CLSTN2: variants seen among roughly 807,000 people sequenced by gnomAD.
CLSTN2 encodes the protein calsyntenin 2, also known as calsyntenin-2.
Under a neutral mutation model 101.2 loss-of-function variants are expected in CLSTN2, and 48 were observed. That is an observed-to-expected ratio of 0.47 (90% CI 0.38 to 0.60). The LOEUF (loss-of-function observed/expected upper bound fraction) is 0.60. CLSTN2 is among the 20% of genes least tolerant of loss of function. The pLI is 0.00. For missense variants in CLSTN2, 1,160 were observed against 1,238.2 expected (o/e 0.94, Z 0.95); for synonymous variants, 481 against 463.6 (o/e 1.04, Z -0.48).
intron 1 of CLSTN2, among the ~76,000 whole-genome samples, chr3:139,988,702 G>A (rs541425946): frequency 1.3e-5 from 2 of 152,124 alleles, no homozygotes; most frequent in Admixed American, 6.5e-5. Context: ...GGGGTGGGAG[G>A]ATGTCTAAGC....
At chr3:140,435,755 G>A (rs754773330) in intron 5 of CLSTN2, among the ~76,000 whole-genome samples, 4 of 152,074 alleles carry the variant, frequency 2.6e-5, no homozygotes, top group Non-Finnish European at 5.9e-5. Context: ...TTTGGATATG[G>A]GCCATTTTAA....
intron 2 of CLSTN2, among the ~76,000 whole-genome samples, chr3:140,305,095 C>G (rs1363908550): frequency 6.6e-6 from 1 of 151,664 alleles, no homozygotes; most frequent in African/African-American, 2.4e-5. Context: ...CTCTCTCTCT[C>G]TATGGTGATA....
Position 140,443,471 on chromosome 3 carries a change from A to C in CLSTN2, c.788-5048A>C, listed in dbSNP as rs1012278448. On this transcript the variant is annotated intron_variant, in intron 5 of 16. Transcript: ENST00000458420. ...AAGTTACCCAAATGTAGAGGTAGTT[A>C]TAATAAAATCATCATCTTTCTAAGT... Among the ~76,000 whole-genome samples the C allele has an allele frequency of 3.3e-5, 5 of 152,258 alleles. No individual in the cohort carries two copies. In the East Asian group the frequency reaches 9.6e-4, roughly 29 times the overall value.
At chr3:140,186,467 A>G (rs1173033236) in intron 2 of CLSTN2, among the ~76,000 whole-genome samples, 1 of 152,230 alleles carries the variant, frequency 6.6e-6, no homozygotes, top group Non-Finnish European at 1.5e-5. Context: ...AAAGAACAAG[A>G]GTGCAACCAG....
intron 2 of CLSTN2, among the ~76,000 whole-genome samples, chr3:140,215,855 A>G (rs190900758): frequency 8.7e-4 from 133 of 152,352 alleles, no homozygotes; most frequent in African/African-American, 3.1e-3. Flanking sequence ...AATATGTATT[A>G]TCTAATATAA....
At chr3:139,936,591 A>G (rs539954046) in intron 1 of CLSTN2, among the ~76,000 whole-genome samples, 1 of 152,280 alleles carries the variant, frequency 6.6e-6, no homozygotes, top group South Asian at 2.1e-4. Context: ...TCCCTGTTAG[A>G]GACAGCCTGA....
At chr3:140,440,440 C>T (rs1246686022) in intron 5 of CLSTN2, among the ~76,000 whole-genome samples, 1 of 152,102 alleles carries the variant, frequency 6.6e-6, no homozygotes, top group Non-Finnish European at 1.5e-5. Context: ...TCAGAGAATT[C>T]GTGTTTTGTT....
intron 1 of CLSTN2, among the ~76,000 whole-genome samples, chr3:140,036,686 T>G (rs2007661612): frequency 6.6e-6 from 1 of 151,962 alleles, no homozygotes; most frequent in South Asian, 2.1e-4. Flanking sequence ...GTCCCACCCA[T>G]CCCTGTTGTT....
intron 1 of CLSTN2, among the ~76,000 whole-genome samples, chr3:139,950,675 T>G (rs1251502896): frequency 1.3e-5 from 2 of 152,222 alleles, no homozygotes; most frequent in Admixed American, 6.5e-5. Context: ...ATTTCTGAAA[T>G]GAAAGGTACT....
intron 1 of CLSTN2, among the ~76,000 whole-genome samples, chr3:140,019,335 T>C (rs1352248402): frequency 2.6e-5 from 4 of 152,174 alleles, no homozygotes; most frequent in Admixed American, 6.5e-5. Flanking sequence ...CATCCAATCA[T>C]TTGAAGGCCT....
rs1389128649 is a variant in CLSTN2 at position 140,480,672 on chromosome 3, T to C, written c.1344+13941T>C. On this transcript the variant is annotated intron_variant, in intron 8 of 16. Coordinates refer to ENST00000458420, the MANE Select transcript of CLSTN2 (RefSeq NM_022131.3). ...GTGAGATGGTATCTCACTGAGGTTTTGATTTGCATTTCTCTGATGGCCAGT... is the reference window on the plus strand; with the variant it reads ...GTGAGATGGTATCTCACTGAGGTTTCGATTTGCATTTCTCTGATGGCCAGT... Among the ~76,000 whole-genome samples, 3 of 152,338 alleles carry C rather than the reference T, an allele frequency of 2.0e-5. No individual in the cohort carries two copies. The South Asian group carries it at 6.2e-4, about 32-fold the overall frequency.
intron 1 of CLSTN2, among the ~76,000 whole-genome samples, chr3:140,112,760 G>A (rs541552257): frequency 2.0e-5 from 3 of 152,252 alleles, no homozygotes; most frequent in African/African-American, 7.2e-5. Context: ...AGAGCAGACA[G>A]TCTGCCCTTT....
intron 5 of CLSTN2, among the ~76,000 whole-genome samples, chr3:140,445,251 T>G (rs1354236660): frequency 1.3e-5 from 2 of 152,214 alleles, no homozygotes; most frequent in Non-Finnish European, 2.9e-5. Flanking sequence ...GCTTTTCCCT[T>G]CACGATTTAC....
intron 11 of CLSTN2, chr3:140,556,923 T>C (rs1368421124): frequency 4.9e-6 from 2 of 406,994 alleles, no homozygotes; most frequent in East Asian, 8.9e-5. Flanking sequence ...CTACTTTCTA[T>C]AAATTCTCAG....
intron 4 of CLSTN2, among the ~76,000 whole-genome samples, chr3:140,420,257 C>T (rs2107990664): frequency 6.7e-6 from 1 of 149,786 alleles, no homozygotes; most frequent in Non-Finnish European, 1.5e-5. Flanking sequence ...ACGATGATAA[C>T]ATTTGAGTTC....
At chr3:139,936,567 G>GGGAATC (rs1935025619) in intron 1 of CLSTN2, among the ~76,000 whole-genome samples, 1 of 152,208 alleles carries the variant, frequency 6.6e-6, no homozygotes, top group Non-Finnish European at 1.5e-5. Flanking sequence ...GTTTGCGCCT[G>GGGAATC]TCAGAAAATA....
intron 1 of CLSTN2, among the ~76,000 whole-genome samples, chr3:140,138,767 A>G (rs946067199): frequency 1.3e-5 from 2 of 152,174 alleles, no homozygotes; most frequent in African/African-American, 2.4e-5. Context: ...CCTTCTAGAA[A>G]AGAGGGAGAA....
chr3:139,976,310 G>A (rs559488813), intron 1 of CLSTN2, among the ~76,000 whole-genome samples: 1 of 152,294 alleles, frequency 6.6e-6, no homozygotes, highest in South Asian at 2.1e-4. Flanking sequence ...GATGGGCAGA[G>A]CCATCTAAAT....
chr3:140,497,556 C>G (rs1934493462), intron 8 of CLSTN2, among the ~76,000 whole-genome samples: 1 of 152,194 alleles, frequency 6.6e-6, no homozygotes, highest in Non-Finnish European at 1.5e-5. Flanking sequence ...CAGGCATTCT[C>G]CAGCCTGCTG....
Sources: allele counts gnomAD v4.1 joint callset (sites outside exome capture counted in the v4.1 genomes callset), GRCh38; gene constraint gnomAD v4.1.1; transcripts MANE v1.5; gene names NCBI Gene and HGNC (gene_info 2026-07-23, HGNC 2026-07-21).